CDH23: variants seen among roughly 807,000 people sequenced by gnomAD.
CDH23 encodes the protein cadherin-23.
In CDH23, 189 loss-of-function variants were observed where a neutral mutation model predicts 317.1. The ratio of observed to expected loss-of-function variants is 0.60; its 90% CI spans 0.53 to 0.67. CDH23 has a LOEUF of 0.67. CDH23 is among the 30% of genes least tolerant of loss of function. The pLI is 0.00. For synonymous variants in CDH23, 1,839 were observed against 1,876.8 expected, an observed-to-expected ratio of 0.98 and a Z score of 0.52; for missense variants, 4,401 against 4,592.4, an observed-to-expected ratio of 0.96 and a Z score of 1.20.
Position 71,811,448 on chromosome 10 carries a change from C to A in CDH23, c.9198+13C>A, listed in dbSNP as rs375384238. 19 of 1,613,874 alleles carry A rather than the reference C, an allele frequency of 1.2e-5. No homozygotes were observed. The highest frequency in any genetic ancestry group is 1.6e-5 in the Non-Finnish European group (19 of 1,179,900). On this transcript the variant is annotated intron_variant, in intron 63 of 69. Transcript: ENST00000224721. ...GTCTGCCCTGCAGGTACCCGGCGAC[C>A]GTGCCCCACAGCCCTAGCCGCCCTC...
chr10:71,734,415 C>A, intron 33 of CDH23, 74 bp downstream of exon 33: 1 of 1,505,124 alleles, frequency 6.6e-7, no homozygotes, highest in South Asian at 1.2e-5. Flanking sequence ...CCCATGTCCT[C>A]GCCAGCCACC....
chr10:71,407,849 G>A (rs562049687), intron 1 of CDH23, among the ~76,000 whole-genome samples: 1 of 152,242 alleles, frequency 6.6e-6, no homozygotes, highest in Admixed American at 6.5e-5. Flanking sequence ...ATTGACCCAA[G>A]TGCTTTAATT....
intron 38 of CDH23, among the ~76,000 whole-genome samples, chr10:71,774,858 G>A (rs1016725210): frequency 1.3e-5 from 2 of 152,204 alleles, no homozygotes; most frequent in African/African-American, 4.8e-5. Context: ...AGGACTCAAT[G>A]GGAGCCAGGA....
chr10:71,755,004 G>A, intron 38 of CDH23: 4 of 450,632 alleles, frequency 8.9e-6, no homozygotes, highest in Non-Finnish European at 1.8e-5. Flanking sequence ...TACAAAACAA[G>A]CACGCCCATA....
At chr10:71,761,887 G>A (rs1332682695) in intron 38 of CDH23, 2 of 1,614,142 alleles carry the variant, frequency 1.2e-6, no homozygotes, top group African/African-American at 2.7e-5. Flanking sequence ...CCCTCGAGCT[G>A]CGGTACCACG....
intron 6 of CDH23, among the ~76,000 whole-genome samples, chr10:71,549,776 C>T (rs962402160): frequency 1.3e-5 from 2 of 152,164 alleles, no homozygotes; most frequent in African/African-American, 4.8e-5. Context: ...CACTTACTGC[C>T]CCAGAGAAGC....
chr10:71,607,029 C>T (rs189662218), intron 9 of CDH23, among the ~76,000 whole-genome samples: 1 of 152,208 alleles, frequency 6.6e-6, no homozygotes, highest in Admixed American at 6.5e-5. Context: ...CAGATGCCAT[C>T]CAGGATGCAG....
chr10:71,678,337 C>T (rs868424835), intron 16 of CDH23, among the ~76,000 whole-genome samples: 3 of 152,074 alleles, frequency 2.0e-5, no homozygotes, highest in Admixed American at 1.3e-4. Flanking sequence ...GGAGGCTTGC[C>T]CACGAAGACA....
At chr10:71,713,683 T>C in intron 28 of CDH23, 1 of 222,704 alleles carries the variant, frequency 4.5e-6, no homozygotes, top group Non-Finnish European at 9.1e-6. Flanking sequence ...GGCCTCAGCT[T>C]GTGAGGACTT....
intron 11 of CDH23, among the ~76,000 whole-genome samples, chr10:71,621,470 C>T (rs1264329444): frequency 6.6e-6 from 1 of 152,222 alleles, no homozygotes; most frequent in Non-Finnish European, 1.5e-5. Flanking sequence ...TCCAGGCCCT[C>T]ATGCTCTGCC....
chr10:71,589,128 A>AT (rs11374966), intron 9 of CDH23, among the ~76,000 whole-genome samples: 40,441 of 149,350 alleles, frequency 0.27, 6,358 homozygotes, highest in African/African-American at 0.45. Flanking sequence ...GTTTAAAGTA[A>AT]TTTTTTTTTT....
chr10:71,568,607 C>T (rs2132366216), intron 7 of CDH23, among the ~76,000 whole-genome samples: 1 of 152,280 alleles, frequency 6.6e-6, no homozygotes, highest in South Asian at 2.1e-4. Flanking sequence ...CTCTAGATGG[C>T]TTCTCCCTTG....
At chr10:71,479,570 A>T (rs1371895043) in intron 3 of CDH23, among the ~76,000 whole-genome samples, 2 of 152,210 alleles carry the variant, frequency 1.3e-5, no homozygotes, top group African/African-American at 4.8e-5. Context: ...GCCCACCATT[A>T]GGGAGCCATT....
At chr10:71,742,747 G>T (rs937624788) in intron 38 of CDH23, among the ~76,000 whole-genome samples, 1 of 152,212 alleles carries the variant, frequency 6.6e-6, no homozygotes, top group African/African-American at 2.4e-5. Flanking sequence ...GGAGGAAGAG[G>T]ACTGTTATTA....
chr10:71,805,483 A>G (rs187761010), intron 55 of CDH23, among the ~76,000 whole-genome samples: 2 of 152,316 alleles, frequency 1.3e-5, no homozygotes, highest in East Asian at 3.9e-4. Context: ...CCAAAACCTC[A>G]GCATGCAATG....
At position 71,470,773 on chromosome 10, in the gene CDH23, GA is replaced by G. The variant is rs1338585004; in HGVS notation, c.145+24379del. On this transcript the variant is annotated intron_variant, in intron 3 of 69. Transcript: ENST00000224721. ...CTCAAAGTGCTGGGATTACAGGCAT[GA>G]GCCACTGTGCCTGGCCCTTATTTTT... is the stretch of plus-strand genomic sequence containing the variant. Among the ~76,000 whole-genome samples, 41 of 152,332 alleles carry G rather than the reference GA, an allele frequency of 2.7e-4. 1 individual carries two copies. In the East Asian group the frequency reaches 7.9e-3, roughly 29 times the overall value.
intron 38 of CDH23, chr10:71,750,589 A>T (rs1285667514): frequency 6.6e-6 from 1 of 152,414 alleles, no homozygotes; most frequent in Non-Finnish European, 1.5e-5. Flanking sequence ...ACCATGCCCC[A>T]ATATGTACTT....
chr10:71,765,918 G>T lies in CDH23; in HGVS notation c.4846-11762G>T, dbSNP rs190700373. Among the ~76,000 whole-genome samples the T allele has an allele frequency of 9.2e-5, 14 of 152,272 alleles. No homozygotes were observed. In the East Asian group the frequency reaches 2.7e-3, roughly 29 times the overall value. On this transcript the variant is annotated intron_variant, in intron 38 of 69. Transcript: ENST00000224721. Reference sequence around the variant, plus strand: ...CAAGGGTCCACAGGGGTTTGTCCTGGGGAGGGAGGGAAGGCCAGAAAACAC... The same window carrying T: ...CAAGGGTCCACAGGGGTTTGTCCTGTGGAGGGAGGGAAGGCCAGAAAACAC...
rs929416134 is a variant in CDH23 at position 71,510,992 on chromosome 10, C to T, written c.327C>T (p.Asp109=). 1.2e-6 allele frequency: 2 copies of T among 1,613,810 alleles called. No homozygotes were observed. Among genetic ancestry groups the T allele is most frequent in the African/African-American group, 2.7e-5 (2 of 74,910 alleles). ...SEFTVEFSVS[D]HQGVITRKVN... is the part of the protein sequence containing the mutation. ...TCACCGTGGAGTTCTCTGTCAGCGA[C>T]CACCAGGGGGTGAGTGTTCCCTGGG... is the stretch of plus-strand genomic sequence containing the variant. Residue 109 remains aspartate, a synonymous_variant, in exon 5 of 70, where the codon GAC becomes GAT. Coordinates refer to ENST00000224721, the MANE Select transcript of CDH23 (RefSeq NM_022124.6).
Sources: allele counts gnomAD v4.1 joint callset (sites outside exome capture counted in the v4.1 genomes callset), GRCh38; gene constraint gnomAD v4.1.1; transcripts MANE v1.5; gene names NCBI Gene and HGNC (gene_info 2026-07-23, HGNC 2026-07-21).